ZNF808: variants seen among roughly 807,000 people sequenced by gnomAD.
ZNF808 encodes zinc finger protein 808.
Under a neutral mutation model 8.7 loss-of-function variants are expected in ZNF808, and 5 were observed. The ratio of observed to expected loss-of-function variants is 0.58; its 90% confidence interval spans 0.30 to 1.21. The LOEUF is 1.21. ZNF808 is among the 50% of genes most tolerant of loss of function. ZNF808 has a pLI of 0.07. For synonymous variants in ZNF808, 380 were observed against 366.0 expected, an observed-to-expected ratio of 1.04 and a Z score of -0.44; for missense variants, 1,103 against 1,098.4, an observed-to-expected ratio of 1.00 and a Z score of -0.06.
chr19:52,554,728 T>C lies in ZNF808; in HGVS notation c.1812T>C (p.Phe604=). ...AATGTGAAGCATGTGACAAAGTTTT[T>C]GGTCAGAAATCAGCTCTTGAGTCAC... ...PYKCEACDKV[F]GQKSALESHK... Residue 604 remains phenylalanine, a synonymous_variant, in exon 5 of 5, where the codon TTT becomes TTC. Coordinates refer to ENST00000359798, the MANE Select transcript of ZNF808 (RefSeq NM_001039886.4). 6.2e-7 allele frequency: 1 copy of C among 1,613,520 alleles called. No individual in the cohort carries two copies. Among genetic ancestry groups the C allele is most frequent in the Non-Finnish European group, 8.5e-7 (1 of 1,179,780 alleles).
chr19:52,564,037 G>T, exon 4 of ZNF808: 1 of 564,944 alleles, frequency 1.8e-6, no homozygotes, highest in Middle Eastern at 2.9e-4. Context: ...CTCCTCCTTT[G>T]TCTGCCATCA....
intron 2 of ZNF808, among the ~76,000 whole-genome samples, chr19:52,538,130 C>T (rs1285725882): frequency 1.3e-5 from 2 of 152,068 alleles, no homozygotes; most frequent in Non-Finnish European, 2.9e-5. Flanking sequence ...CCCTCAGTCT[C>T]CTGAGTAGCT....
At chr19:52,540,881 C>T (rs1048883019) in intron 2 of ZNF808, among the ~76,000 whole-genome samples, 18 of 152,142 alleles carry the variant, frequency 1.2e-4, no homozygotes, top group Non-Finnish European at 1.5e-5. Flanking sequence ...GGATTGATGC[C>T]ATCAGAACCT....
At chr19:52,542,968 GT>G (rs1475950637) in intron 2 of ZNF808, among the ~76,000 whole-genome samples, 2 of 144,798 alleles carry the variant, frequency 1.4e-5, no homozygotes, top group Admixed American at 1.4e-4. Context: ...TGGGGGGGGG[GT>G]GGAGGCTTTG....
chr19:52,555,915 C>T lies in ZNF808; in HGVS notation c.*287C>T. 3 of 679,484 alleles carry T rather than the reference C, an allele frequency of 4.4e-6. No homozygotes were observed. The highest frequency in any genetic ancestry group is 3.4e-5 in the East Asian group (1 of 29,802). 42.1% of individuals were successfully genotyped at this position (679,484 alleles called of 1,614,324 possible). On this transcript the variant is annotated 3_prime_UTR_variant, in exon 5 of 5. Transcript: ENST00000359798. ...TGGCAAAGCCTTTACTTCACATTCA[C>T]ACCTCGTTGGACATCAGAGAATCCA...
intron 2 of ZNF808, among the ~76,000 whole-genome samples, chr19:52,541,799 G>C (rs993846459): frequency 2.6e-5 from 4 of 151,968 alleles, no homozygotes; most frequent in Non-Finnish European, 4.4e-5. Context: ...CCCTGCAGGC[G>C]TCGCCCCTGA....
intron 2 of ZNF808, among the ~76,000 whole-genome samples, chr19:52,542,966 G>T (rs1012032737): frequency 1.3e-5 from 2 of 151,354 alleles, no homozygotes; most frequent in African/African-American, 4.9e-5. Context: ...TTTGGGGGGG[G>T]GGTGGAGGCT....
chr19:52,549,626 T>G, intron 4 of ZNF808, among the ~76,000 whole-genome samples: 1 of 152,102 alleles, frequency 6.6e-6, no homozygotes, highest in Non-Finnish European at 1.5e-5. Context: ...TGGTCTATCC[T>G]AGTGGAATTA....
intron 3 of ZNF808, among the ~76,000 whole-genome samples, chr19:52,545,026 T>C (rs2059707888): frequency 6.6e-6 from 1 of 152,138 alleles, no homozygotes; most frequent in East Asian, 1.9e-4. Context: ...TTGTGATTTG[T>C]TCACCTCGGC....
intron 1 of ZNF808, among the ~76,000 whole-genome samples, chr19:52,529,745 C>G (rs915355217): frequency 1.4e-4 from 22 of 151,898 alleles, no homozygotes; most frequent in African/African-American, 5.3e-4. Flanking sequence ...TATTTTGAGT[C>G]AGGGTCTGGC....
chr19:52,567,130 T>A (rs187093465), downstream of ZNF808, among the ~76,000 whole-genome samples: 227 of 152,130 alleles, frequency 1.5e-3, no homozygotes, highest in African/African-American at 5.1e-3. Context: ...CGTTGAATTT[T>A]CAGTAGAGAC....
At chr19:52,541,671 C>A (rs1258602834) in intron 2 of ZNF808, among the ~76,000 whole-genome samples, 1 of 151,612 alleles carries the variant, frequency 6.6e-6, no homozygotes, top group Non-Finnish European at 1.5e-5. Context: ...AAAGGGATTC[C>A]AGTTCTCCAA....
intron 2 of ZNF808, among the ~76,000 whole-genome samples, chr19:52,538,919 G>C (rs951270979): frequency 1.3e-5 from 2 of 152,072 alleles, no homozygotes; most frequent in Non-Finnish European, 2.9e-5. Flanking sequence ...CCAAACTCCT[G>C]TGTCTAAGTG....
At chr19:52,536,235 C>T (rs2059609677) in intron 2 of ZNF808, among the ~76,000 whole-genome samples, 1 of 152,302 alleles carries the variant, frequency 6.6e-6, no homozygotes, top group African/African-American at 2.4e-5. Flanking sequence ...GGAGGCTGGT[C>T]CCAACCCCGG....
At position 52,554,166 on chromosome 19, in the gene ZNF808, A is replaced by G. The variant is rs569623816; in HGVS notation, c.1250A>G (p.His417Arg). 156 of 1,614,194 alleles carry G rather than the reference A, an allele frequency of 9.7e-5. No homozygotes were observed. The East Asian group carries it at 1.5e-3, about 16-fold the overall frequency. ...AFNHQSSLARHHILHTGEKPY... is the reference protein window; with the variant it reads ...AFNHQSSLARRHILHTGEKPY... Reference sequence around the variant, plus strand: ...AATCATCAATCAAGCCTTGCACGTCATCATATACTTCATACTGGAGAGAAA... The same window carrying G: ...AATCATCAATCAAGCCTTGCACGTCGTCATATACTTCATACTGGAGAGAAA... The change falls in exon 5 of 5, where the codon CAT becomes CGT. Residue 417 changes from histidine to arginine, a missense_variant. By Grantham distance (29) the His-to-Arg change is conservative. Coordinates refer to ENST00000359798, the MANE Select transcript of ZNF808 (RefSeq NM_001039886.4).
rs541198521 is a variant in ZNF808 at position 52,553,303 on chromosome 19, G to A, written c.387G>A (p.Thr129=). Residue 129 remains threonine (T), a synonymous_variant, in exon 5 of 5, where the codon ACG becomes ACA. Transcript: ENST00000359798. ...EDERNGHEAP[T]TKIKKLTGST... ...AAAGAAATGGCCATGAAGCACCCAC[G>A]ACAAAAATAAAAAAGTTGACTGGTA... 24 of 1,613,434 alleles carry A rather than the reference G, an allele frequency of 1.5e-5. No individual in the cohort carries two copies. The East Asian group carries it at 1.6e-4, about 10-fold the overall frequency.
intron 4 of ZNF808, among the ~76,000 whole-genome samples, 176 bp downstream of exon 4, chr19:52,547,814 A>G (rs2059738337): frequency 7.0e-6 from 1 of 142,634 alleles, no homozygotes; most frequent in South Asian, 2.2e-4. Flanking sequence ...ATATCGGTTC[A>G]CCATAACCTC....
At chr19:52,541,358 G>A (rs367646570) in intron 2 of ZNF808, among the ~76,000 whole-genome samples, 15 of 151,718 alleles carry the variant, frequency 9.9e-5, no homozygotes, top group African/African-American at 3.6e-4. Context: ...ACAAGGGTGA[G>A]TCACCGCTCC....
downstream of ZNF808, among the ~76,000 whole-genome samples, chr19:52,559,506 G>A (rs181440232): frequency 5.9e-5 from 9 of 152,154 alleles, no homozygotes; most frequent in South Asian, 2.1e-4. Context: ...CTCAGAGGCC[G>A]GTGCAGGCGC....
Sources: gnomAD v4.1 joint callset for allele counts (sites outside exome capture counted in the v4.1 genomes callset) on GRCh38, gnomAD v4.1.1 for gene constraint, MANE v1.5 for transcripts, NCBI Gene and HGNC (gene_info 2026-07-23, HGNC 2026-07-21) for gene names.